Variants in ZNF804B observed in about 807,000 individuals in gnomAD.
ZNF804B encodes the protein zinc finger 804B.
A neutral mutation model predicts 101.4 loss-of-function variants in ZNF804B; 80 were observed. The observed-to-expected ratio is 0.79, with a 90% confidence interval of 0.66 to 0.95. The LOEUF is 0.95. Among genes scored for constraint, ZNF804B ranks in the 40% least tolerant of loss-of-function variants. ZNF804B has a pLI of 0.00. For missense variants in ZNF804B, 1,673 were observed against 1,561.9 expected (o/e 1.07, Z -1.20); for synonymous variants, 622 against 558.8 (o/e 1.11, Z -1.59).
intron 1 of ZNF804B, among the ~76,000 whole-genome samples, chr7:89,006,909 G>T (rs987463073): frequency 7.2e-5 from 11 of 152,112 alleles, no homozygotes; most frequent in Non-Finnish European, 1.6e-4. Flanking sequence ...CTGACAGAAG[G>T]TGTTCCTTCT....
chr7:89,020,041 T>A (rs1264517014), intron 1 of ZNF804B, among the ~76,000 whole-genome samples: 2 of 152,174 alleles, frequency 1.3e-5, no homozygotes, highest in African/African-American at 4.8e-5. Context: ...ATTTTTGAAG[T>A]TTGATGGTTT....
At chr7:88,955,112 A>G (rs10273224) in intron 1 of ZNF804B, among the ~76,000 whole-genome samples, 2 of 144,186 alleles carry the variant, frequency 1.4e-5, no homozygotes, top group Admixed American at 7.0e-5. Context: ...AAAAAAAAAA[A>G]GGAAAAAAAA....
At chr7:89,251,126 C>T (rs1789532722) in intron 2 of ZNF804B, among the ~76,000 whole-genome samples, 1 of 151,980 alleles carries the variant, frequency 6.6e-6, no homozygotes. Flanking sequence ...AAAAGGCATC[C>T]AAAGAAGTAA....
chr7:89,100,678 A>G (rs1790041576), intron 1 of ZNF804B, among the ~76,000 whole-genome samples: 1 of 152,154 alleles, frequency 6.6e-6, no homozygotes, highest in Non-Finnish European at 1.5e-5. Context: ...TTTTTAAAAG[A>G]AGACACACAA....
intron 1 of ZNF804B, among the ~76,000 whole-genome samples, chr7:89,161,300 T>G (rs1791058856): frequency 6.6e-6 from 1 of 151,880 alleles, no homozygotes; most frequent in South Asian, 2.1e-4. Context: ...TGAACTTATA[T>G]ATACTAGATT....
intron 1 of ZNF804B, among the ~76,000 whole-genome samples, chr7:89,215,871 G>C (rs1297425320): frequency 2.1e-5 from 3 of 141,416 alleles, no homozygotes. Context: ...GCAACAGAGA[G>C]AGACTCCGTC....
At chr7:89,209,300 T>C (rs1788767677) in intron 1 of ZNF804B, among the ~76,000 whole-genome samples, 1 of 152,132 alleles carries the variant, frequency 6.6e-6, no homozygotes, top group Middle Eastern at 3.4e-3. Context: ...GATGAATCAT[T>C]AATAGGAGGA....
At chr7:89,298,212 G>GTATA (rs1486889255) in intron 2 of ZNF804B, among the ~76,000 whole-genome samples, 3 of 65,272 alleles carry the variant, frequency 4.6e-5, no homozygotes, top group East Asian at 5.4e-4. Flanking sequence ...GTGTGTGTGT[G>GTATA]TGTGTATATA....
intron 1 of ZNF804B, among the ~76,000 whole-genome samples, chr7:88,900,355 A>C (rs1392023376): frequency 2.0e-5 from 3 of 151,874 alleles, no homozygotes; most frequent in Non-Finnish European, 4.4e-5. Flanking sequence ...AAAACTATGG[A>C]TATTGCATTC....
chr7:89,155,388 T>C (rs914076618), intron 1 of ZNF804B, among the ~76,000 whole-genome samples: 4 of 152,136 alleles, frequency 2.6e-5, no homozygotes, highest in Admixed American at 2.6e-4. Flanking sequence ...TAATATCTCA[T>C]CTTTCACCTA....
chr7:88,858,318 T>A (rs1249169392), intron 1 of ZNF804B, among the ~76,000 whole-genome samples: 2 of 152,196 alleles, frequency 1.3e-5, no homozygotes, highest in Admixed American at 6.5e-5. Flanking sequence ...TAGTTAAATT[T>A]GATAAATTTT....
Position 89,130,122 on chromosome 7 carries a change from A to G in ZNF804B, c.109-88033A>G, listed in dbSNP as rs75258085. ...TCAATTTTCACCAAGAGAAAATGAA[A>G]CAGAAAAGACTACTGGAGTGGTTTT... is the stretch of plus-strand genomic sequence containing the variant. On this transcript the variant is annotated intron_variant, in intron 1 of 3. Coordinates refer to ENST00000333190, the MANE Select transcript of ZNF804B (RefSeq NM_181646.5). Among the ~76,000 whole-genome samples, 1,440 of 152,044 alleles carry G rather than the reference A, an allele frequency of 9.5e-3. 20 individuals are homozygous for G. The highest frequency in any genetic ancestry group is 0.033 in the African/African-American group (1,367 of 41,512).
At chr7:89,276,877 C>A (rs1469333209) in intron 2 of ZNF804B, among the ~76,000 whole-genome samples, 2 of 151,700 alleles carry the variant, frequency 1.3e-5, no homozygotes, top group Non-Finnish European at 2.9e-5. Context: ...ACAATGTAGA[C>A]AGTATACTGT....
At chr7:89,131,521 T>G (rs1790547152) in intron 1 of ZNF804B, among the ~76,000 whole-genome samples, 1 of 151,934 alleles carries the variant, frequency 6.6e-6, no homozygotes. Context: ...CTAGCCACAT[T>G]TGAAGGCTAT....
intron 1 of ZNF804B, among the ~76,000 whole-genome samples, chr7:89,092,351 G>A (rs753482731): frequency 1.7e-4 from 26 of 150,218 alleles, no homozygotes; most frequent in Admixed American, 3.3e-4. Flanking sequence ...CGATAGCATC[G>A]TGGACACTTA....
At chr7:88,784,028 A>G (rs1244741296) in intron 1 of ZNF804B, among the ~76,000 whole-genome samples, 2 of 152,210 alleles carry the variant, frequency 1.3e-5, no homozygotes, top group Non-Finnish European at 2.9e-5. Context: ...TGGATCATGC[A>G]TTATTGCTCT....
intron 2 of ZNF804B, among the ~76,000 whole-genome samples, chr7:89,267,146 T>A (rs1337940999): frequency 1.3e-5 from 2 of 152,180 alleles, no homozygotes; most frequent in East Asian, 3.8e-4. Context: ...CATTTGTTGA[T>A]ATTGATCCTT....
At chr7:89,142,707 A>G (rs1790734545) in intron 1 of ZNF804B, among the ~76,000 whole-genome samples, 1 of 152,030 alleles carries the variant, frequency 6.6e-6, no homozygotes, top group Admixed American at 6.6e-5. Context: ...CAACTTTTTC[A>G]GTCAGAATTG....
chr7:89,166,106 G>A (rs370908808), intron 1 of ZNF804B, among the ~76,000 whole-genome samples: 19 of 152,112 alleles, frequency 1.2e-4, no homozygotes, highest in African/African-American at 1.7e-4. Flanking sequence ...GTCCCCTGGC[G>A]TCCACAAATG....
Sources: allele counts gnomAD v4.1 joint callset (sites outside exome capture counted in the v4.1 genomes callset), GRCh38; gene constraint gnomAD v4.1.1; transcripts MANE v1.5; gene names NCBI Gene and HGNC (gene_info 2026-07-23, HGNC 2026-07-21).